Variants in MAGI2 observed in about 807,000 individuals in gnomAD.
MAGI2 encodes membrane associated guanylate kinase, WW and PDZ domain containing 2, also known as membrane-associated guanylate kinase, WW and PDZ domain-containing protein 2.
In MAGI2, 35 loss-of-function variants were observed where a neutral mutation model predicts 133.3. The ratio of observed to expected loss-of-function variants is 0.26; its 90% confidence interval spans 0.20 to 0.35. The LOEUF is 0.35. Ranked by LOEUF, MAGI2 falls within the 10% of genes least tolerant of loss-of-function variation. MAGI2 has a pLI of 1.00. For missense variants in MAGI2, 1,636 were observed against 1,863.4 expected (o/e 0.88, Z 2.25); for synonymous variants, 729 against 710.6 (o/e 1.03, Z -0.41).
intron 1 of MAGI2, among the ~76,000 whole-genome samples, chr7:79,018,502 T>C (rs1296045313): frequency 6.6e-6 from 1 of 152,156 alleles, no homozygotes; most frequent in Non-Finnish European, 1.5e-5. Flanking sequence ...GTCTGCATAA[T>C]TACGAGCTAA....
At chr7:79,269,248 G>A (rs1051209819) in intron 1 of MAGI2, among the ~76,000 whole-genome samples, 17 of 152,144 alleles carry the variant, frequency 1.1e-4, no homozygotes, top group Non-Finnish European at 2.4e-4. Context: ...GCATTTAATG[G>A]AGCAACTCAA....
rs139310012 is a variant in MAGI2 at position 78,941,253 on chromosome 7, A to G, written c.418+65837T>C. Among the ~76,000 whole-genome samples the G allele has an allele frequency of 3.2e-3, 493 of 152,268 alleles. 1 individual carries two copies. The highest frequency in any genetic ancestry group is 0.011 in the African/African-American group (469 of 41,540). ...ATCTATTGTGTCAAAGCACTGCCTAAAACTTTCTGTTGGCTCCTTCTGCCT... is the reference window on the plus strand; with the variant it reads ...ATCTATTGTGTCAAAGCACTGCCTAGAACTTTCTGTTGGCTCCTTCTGCCT... On this transcript the variant is annotated intron_variant, in intron 2 of 21. Coordinates refer to ENST00000354212, the MANE Select transcript of MAGI2 (RefSeq NM_012301.4).
intron 11 of MAGI2, among the ~76,000 whole-genome samples, chr7:78,200,853 T>C (rs1829187629): frequency 6.6e-6 from 1 of 152,184 alleles, no homozygotes; most frequent in African/African-American, 2.4e-5. Flanking sequence ...GACTACATTG[T>C]ATTGTGGACA....
intron 3 of MAGI2, among the ~76,000 whole-genome samples, chr7:78,523,141 A>G (rs1359153471): frequency 6.6e-6 from 1 of 152,212 alleles, no homozygotes; most frequent in Non-Finnish European, 1.5e-5. Context: ...CAGAAGACAT[A>G]GAATTTAGGC....
chr7:78,443,711 C>T (rs144711292), intron 6 of MAGI2, among the ~76,000 whole-genome samples: 51 of 152,034 alleles, frequency 3.4e-4, no homozygotes, highest in Non-Finnish European at 6.0e-4. Flanking sequence ...TTAAAACATC[C>T]GATAATTTTC....
chr7:79,379,706 T>C (rs545274312), intron 1 of MAGI2, among the ~76,000 whole-genome samples: 7 of 152,146 alleles, frequency 4.6e-5, no homozygotes, highest in Non-Finnish European at 8.8e-5. Context: ...ATTTCTCTGA[T>C]GGCCAGTGAT....
At chr7:78,109,945 C>G (rs567341373) in intron 20 of MAGI2, among the ~76,000 whole-genome samples, 1 of 152,132 alleles carries the variant, frequency 6.6e-6, no homozygotes, top group African/African-American at 2.4e-5. Context: ...TCCAGAAAGA[C>G]ACAGACTGAA....
intron 6 of MAGI2, among the ~76,000 whole-genome samples, chr7:78,390,137 C>T (rs573800581): frequency 1.3e-4 from 20 of 152,282 alleles, no homozygotes; most frequent in African/African-American, 4.3e-4. Flanking sequence ...ATTACTGAGA[C>T]AGATCCCAAA....
intron 1 of MAGI2, among the ~76,000 whole-genome samples, chr7:79,392,566 T>C (rs1844739317): frequency 6.6e-6 from 1 of 152,240 alleles, no homozygotes; most frequent in Non-Finnish European, 1.5e-5. Context: ...TGGAGTGAGA[T>C]GGTGTCTCAT....
intron 2 of MAGI2, among the ~76,000 whole-genome samples, chr7:78,642,888 C>G (rs1213706382): frequency 1.3e-5 from 2 of 152,152 alleles, no homozygotes; most frequent in Admixed American, 6.6e-5. Flanking sequence ...TGCACTCCAC[C>G]AACATCCACA....
intron 1 of MAGI2, chr7:79,412,105 C>T (rs886493739): frequency 6.6e-6 from 1 of 152,026 alleles, no homozygotes; most frequent in Non-Finnish European, 1.5e-5. Flanking sequence ...AATCTACACA[C>T]CTGGCAAACA....
chr7:78,662,063 A>T (rs1231576381), intron 2 of MAGI2, among the ~76,000 whole-genome samples: 1 of 152,148 alleles, frequency 6.6e-6, no homozygotes, highest in Non-Finnish European at 1.5e-5. Flanking sequence ...TAAACATCAC[A>T]AAAATGTCTG....
At chr7:78,503,261 T>C (rs1367005224) in intron 4 of MAGI2, among the ~76,000 whole-genome samples, 1 of 152,160 alleles carries the variant, frequency 6.6e-6, no homozygotes, top group Non-Finnish European at 1.5e-5. Flanking sequence ...AAGTATCTTA[T>C]CTGAGGGCAA....
At chr7:78,361,427 C>T (rs950911487) in intron 7 of MAGI2, among the ~76,000 whole-genome samples, 6 of 151,488 alleles carry the variant, frequency 4.0e-5, no homozygotes, top group Non-Finnish European at 7.4e-5. Context: ...AAATACAACC[C>T]CCCTCCCCCC....
At chr7:78,378,818 G>A (rs549561343) in intron 6 of MAGI2, among the ~76,000 whole-genome samples, 1 of 151,964 alleles carries the variant, frequency 6.6e-6, no homozygotes, top group East Asian at 1.9e-4. Flanking sequence ...TTATATGAAA[G>A]GTGGGGACAA....
At chr7:79,434,313 T>A (rs563413330) in intron 1 of MAGI2, among the ~76,000 whole-genome samples, 1 of 152,300 alleles carries the variant, frequency 6.6e-6, no homozygotes, top group African/African-American at 2.4e-5. Flanking sequence ...GCTCATACTC[T>A]TTTGAATCAC....
At chr7:79,215,833 T>C (rs991170173) in intron 1 of MAGI2, among the ~76,000 whole-genome samples, 1 of 151,984 alleles carries the variant, frequency 6.6e-6, no homozygotes, top group Non-Finnish European at 1.5e-5. Flanking sequence ...ACCTTAACTT[T>C]GGCAAAATAA....
At chr7:78,522,307 A>G (rs528464234) in intron 3 of MAGI2, among the ~76,000 whole-genome samples, 21 of 152,330 alleles carry the variant, frequency 1.4e-4, no homozygotes, top group African/African-American at 4.6e-4. Context: ...TGAAAAGAGA[A>G]TCATTCTTAT....
chr7:78,661,685 G>A (rs925080278), intron 2 of MAGI2, among the ~76,000 whole-genome samples: 1 of 152,072 alleles, frequency 6.6e-6, no homozygotes, highest in African/African-American at 2.4e-5. Flanking sequence ...ACTCTTCCTA[G>A]TTACAGTCTA....
Sources: allele counts gnomAD v4.1 joint callset (sites outside exome capture counted in the v4.1 genomes callset), GRCh38; gene constraint gnomAD v4.1.1; transcripts MANE v1.5; gene names NCBI Gene and HGNC (gene_info 2026-07-23, HGNC 2026-07-21).